Variants in SPI1 observed in about 807,000 individuals in gnomAD.
SPI1 encodes Spi-1 proto-oncogene, also known as transcription factor PU.1.
Under a neutral mutation model 30.7 loss-of-function variants are expected in SPI1, and 3 were observed. The ratio of observed to expected loss-of-function variants is 0.10; its 90% CI spans 0.04 to 0.25. The LOEUF is 0.25. Among genes scored for constraint, SPI1 ranks in the 10% least tolerant of loss-of-function variants. The pLI, the probability that SPI1 is intolerant of heterozygous loss-of-function variation, is 1.00. For missense variants in SPI1, 261 were observed against 371.5 expected (o/e 0.70, Z 2.45); for synonymous variants, 169 against 157.1 (o/e 1.08, Z -0.56).
chr11:47,357,200 CACA>C (rs1457389789), intron 4 of SPI1, among the ~76,000 whole-genome samples: 1 of 151,282 alleles, frequency 6.6e-6, no homozygotes, highest in Non-Finnish European at 1.5e-5. Flanking sequence ...CACCTGCCCA[CACA>C]TATCTGCACA....
intron 2 of SPI1, among the ~76,000 whole-genome samples, chr11:47,362,926 C>CA (rs113528394): frequency 0.11 from 10,757 of 93,996 alleles, 816 homozygotes; most frequent in African/African-American, 0.27. Context: ...GAGGGGCTTA[C>CA]AAAAAATTTT....
At chr11:47,361,070 G>C (rs1263244603) in intron 2 of SPI1, among the ~76,000 whole-genome samples, 2 of 151,984 alleles carry the variant, frequency 1.3e-5, no homozygotes, top group African/African-American at 4.8e-5. Flanking sequence ...GCAGTGAGCC[G>C]AGATTGCGCC....
intron 2 of SPI1, among the ~76,000 whole-genome samples, chr11:47,368,251 G>A (rs762639659): frequency 2.0e-5 from 3 of 152,146 alleles, no homozygotes; most frequent in Non-Finnish European, 4.4e-5. Flanking sequence ...TGTAATCCCA[G>A]CTACTCGGGA....
chr11:47,368,931 A>C (rs2095932002), intron 2 of SPI1, among the ~76,000 whole-genome samples: 1 of 152,184 alleles, frequency 6.6e-6, no homozygotes, highest in South Asian at 2.1e-4. Context: ...GGTTAATATT[A>C]TGTGTATTTT....
In SPI1 at chr11:47,358,895, C is replaced by T. The variant is rs558503796; in HGVS notation, c.442G>A (p.Gly148Ser). 149 of 1,562,758 alleles carry T rather than the reference C, an allele frequency of 9.5e-5. 1 individual carries two copies. In the South Asian group the frequency reaches 1.4e-3, roughly 15 times the overall value. The part of the protein sequence containing the change: ...RQSPPLEVSD[G>S]EADGLEPGPG... ...CCGGGCTCCAGGCCATCCGCCTCGC[C>T]GTCAGACACCTCCAGTGGGGGGCTC... Residue 148 changes from glycine to serine, a missense_variant, in exon 4 of 5, where the codon GGC becomes AGC. By Grantham distance (56) the Gly-to-Ser change is moderately conservative. Around this residue, in one of 5 missense-constraint regions of SPI1, gnomAD observed 106 missense variants for 102.0 expected, o/e 1.04. Transcript: ENST00000378538.
At position 47,355,884 on chromosome 11, in the gene SPI1, C is replaced by T. The variant is rs549437724; in HGVS notation, c.494-338G>A. Among the ~76,000 whole-genome samples the T allele has an allele frequency of 9.2e-5, 14 of 151,784 alleles. No individual in the cohort carries two copies. In the East Asian group the frequency reaches 2.7e-3, roughly 29 times the overall value. ...CTTACACATGCTCACACATCACGCC[C>T]ACACCCACTCACACACGTGCTCACA... On this transcript the variant is annotated intron_variant, in intron 4 of 4. Coordinates refer to ENST00000378538, the MANE Select transcript of SPI1 (RefSeq NM_003120.3).
In SPI1 at chr11:47,360,027, G is replaced by A. The variant is rs564341452; in HGVS notation, c.156C>T (p.Asp52=). 7.6e-6 allele frequency: 12 copies of A among 1,578,778 alleles called. No individual in the cohort carries two copies. In the South Asian group the frequency reaches 9.2e-5, roughly 12 times the overall value. The change falls in exon 3 of 5, where the codon GAC becomes GAT. Residue 52 remains aspartate (D), a synonymous_variant. Coordinates refer to ENST00000378538, the MANE Select transcript of SPI1 (RefSeq NM_003120.3). ...CGCTGTGCACGTGGTGGGGGTGGAA[G>A]TCCCAGTAATGGTCTGTGGGGGACA... ...DGESHSDHYW[D]FHPHHVHSEF... is the part of the protein sequence containing the mutation.
At chr11:47,356,910 TTGTGCTCACACACC>T (rs1337156755) in intron 4 of SPI1, among the ~76,000 whole-genome samples, 3 of 136,458 alleles carry the variant, frequency 2.2e-5, no homozygotes, top group Non-Finnish European at 4.9e-5. Context: ...GCTCACACAC[TTGTGCTCACACACC>T]TCACACCATT....
At chr11:47,356,238 CAT>C (rs1197135895) in intron 4 of SPI1, among the ~76,000 whole-genome samples, 1 of 151,160 alleles carries the variant, frequency 6.6e-6, no homozygotes, top group East Asian at 2.0e-4. Flanking sequence ...CATTCACTAA[CAT>C]GCCCCCACAC....
At chr11:47,373,253 G>A (rs950638698) in intron 2 of SPI1, among the ~76,000 whole-genome samples, 3 of 152,164 alleles carry the variant, frequency 2.0e-5, no homozygotes, top group African/African-American at 7.2e-5. Context: ...TTGGGAGGCT[G>A]AGGCAGGAGA....
chr11:47,357,020 C>T (rs1057178573), intron 4 of SPI1, among the ~76,000 whole-genome samples: 1 of 150,830 alleles, frequency 6.6e-6, no homozygotes, highest in Non-Finnish European at 1.5e-5. Context: ...TCACACACCT[C>T]ACACCAAGTC....
intron 2 of SPI1, among the ~76,000 whole-genome samples, chr11:47,368,327 T>A (rs535163408): frequency 5.0e-4 from 76 of 152,226 alleles, no homozygotes; most frequent in African/African-American, 1.5e-3. Context: ...ATCGTACCAC[T>A]CCACTCCAGC....
At chr11:47,363,381 T>C (rs1276883153) in intron 2 of SPI1, among the ~76,000 whole-genome samples, 2 of 151,090 alleles carry the variant, frequency 1.3e-5, no homozygotes, top group Non-Finnish European at 3.0e-5. Context: ...ATTAGCTGGG[T>C]GTGATGGCAG....
At chr11:47,356,519 CCTG>C (rs112113118) in intron 4 of SPI1, among the ~76,000 whole-genome samples, 43 of 76,046 alleles carry the variant, frequency 5.7e-4, no homozygotes, top group Non-Finnish European at 9.9e-4. Flanking sequence ...CCCACTCACA[CCTG>C]CTCACACACA....
rs903604343 is a variant in SPI1, at chr11:47,374,236, C to T, written c.142+1397G>A. Among the ~76,000 whole-genome samples the T allele has an allele frequency of 1.3e-5, 2 of 152,190 alleles. No individual in the cohort carries two copies. The highest frequency in any genetic ancestry group is 4.8e-5 in the African/African-American group (2 of 41,450). ...GATGGAGTTGGGGGAGGGGGACTTT[C>T]TCTCTACATTGCCTGGGTTTCCCAC... On this transcript the variant is annotated intron_variant, in intron 2 of 4. Transcript: ENST00000378538. This position sits in a 1 kb window ranked among gnomAD's most constrained non-coding sequence, Gnocchi z 4.5.
intron 2 of SPI1, among the ~76,000 whole-genome samples, chr11:47,360,634 T>C (rs1461258310): frequency 3.3e-5 from 5 of 151,462 alleles, no homozygotes; most frequent in Non-Finnish European, 5.9e-5. Flanking sequence ...GAGACCATCC[T>C]GGCCAACGTG....
At chr11:47,355,795 T>G (rs1212056637) in intron 4 of SPI1, among the ~76,000 whole-genome samples, 8 of 125,530 alleles carry the variant, frequency 6.4e-5, no homozygotes, top group African/African-American at 2.5e-4. Flanking sequence ...GCGCACACAC[T>G]CGCACCCACA....
intron 2 of SPI1, among the ~76,000 whole-genome samples, chr11:47,361,416 C>T (rs1259027915): frequency 6.6e-6 from 1 of 152,232 alleles, no homozygotes; most frequent in African/African-American, 2.4e-5. Context: ...TTCCTTGAGT[C>T]TGTGGTGGAG....
intron 2 of SPI1, among the ~76,000 whole-genome samples, chr11:47,373,761 T>C (rs567935241): frequency 6.6e-6 from 1 of 152,036 alleles, no homozygotes; most frequent in East Asian, 1.9e-4. Flanking sequence ...CTGGAGGAAC[T>C]AGGGGTTCAT....
Sources: gnomAD v4.1 joint callset for allele counts (sites outside exome capture counted in the v4.1 genomes callset) on GRCh38, gnomAD v4.1.1 for gene constraint, gnomAD v4.1.1 regional missense constraint, Gnocchi (gnomAD v3.1) non-coding constraint, MANE v1.5 for transcripts, NCBI Gene and HGNC (gene_info 2026-07-23, HGNC 2026-07-21) for gene names.